The following LMX1B variants were observed in gnomAD, a reference collection of about 807,000 sequenced individuals.
LMX1B encodes LIM homeobox transcription factor 1 beta.
A neutral mutation model predicts 51.4 loss-of-function variants in LMX1B; 12 were observed. That is an observed-to-expected ratio of 0.23 (90% CI 0.15 to 0.38). The LOEUF (loss-of-function observed/expected upper bound fraction) is 0.38. Ranked by LOEUF, LMX1B falls within the 10% of genes least tolerant of loss-of-function variation. LMX1B has a pLI of 1.00. For synonymous variants in LMX1B, 237 were observed against 235.4 expected (o/e 1.01, Z -0.06); for missense variants, 445 against 571.1 (o/e 0.78, Z 2.25).
At position 126,618,681 on chromosome 9, in the gene LMX1B, C is replaced by T. The variant is rs1185537373; in HGVS notation, c.326+3112C>T. Among the ~76,000 whole-genome samples, 1 of 152,194 alleles carries T rather than the reference C, an allele frequency of 6.6e-6. No homozygotes were observed. Among genetic ancestry groups the T allele is most frequent in the African/African-American group, 2.4e-5 (1 of 41,436 alleles). On this transcript the variant is annotated intron_variant, in intron 2 of 7. Coordinates refer to ENST00000373474, the MANE Select transcript of LMX1B (RefSeq NM_001174147.2). The surrounding 1 kb of genome is among the most constrained non-coding windows in gnomAD (Gnocchi z 4.5). ...ACTTTCCCCCCTCCCATGTTTTTAT[C>T]TTGGCGGCTTGGCCGAATAGAATTA...
At position 126,688,402 on chromosome 9, in the gene LMX1B, C is replaced by T. The variant is rs370883702; in HGVS notation, c.327-2434C>T. Among the ~76,000 whole-genome samples, 66 of 152,306 alleles carry T rather than the reference C, an allele frequency of 4.3e-4. No homozygotes were observed. The East Asian group carries it at 8.9e-3, about 20-fold the overall frequency. On this transcript the variant is annotated intron_variant, in intron 2 of 7. Coordinates refer to ENST00000373474, the MANE Select transcript of LMX1B (RefSeq NM_001174147.2). ...TGACCCTGGCCTGGGACCCTGGGAC[C>T]GTGGCGCTCCCACGCTAGCAGCGAC...
At chr9:126,675,258 T>A (rs1277862798) in intron 2 of LMX1B, among the ~76,000 whole-genome samples, 1 of 152,178 alleles carries the variant, frequency 6.6e-6, no homozygotes, top group African/African-American at 2.4e-5. Flanking sequence ...TGTGTATGTG[T>A]GATACGTCTC....
intron 2 of LMX1B, among the ~76,000 whole-genome samples, chr9:126,650,084 C>A (rs758425192): frequency 1.3e-5 from 2 of 152,204 alleles, no homozygotes; most frequent in African/African-American, 4.8e-5. Context: ...CTCCTACATC[C>A]CCCAGCAGAG....
At chr9:126,688,822 T>C (rs914860086) in intron 2 of LMX1B, among the ~76,000 whole-genome samples, 5 of 152,178 alleles carry the variant, frequency 3.3e-5, no homozygotes, top group African/African-American at 1.2e-4. Context: ...CCCAGGCCTT[T>C]ACTCACCTAC....
chr9:126,645,689 G>A (rs930212897), intron 2 of LMX1B, among the ~76,000 whole-genome samples: 2 of 152,216 alleles, frequency 1.3e-5, no homozygotes, highest in Non-Finnish European at 2.9e-5. Flanking sequence ...CACACAAGGA[G>A]GGAGGTCAGG....
chr9:126,629,910 C>G (rs866232602), intron 2 of LMX1B, among the ~76,000 whole-genome samples: 6 of 151,772 alleles, frequency 4.0e-5, no homozygotes, highest in Admixed American at 6.6e-5. Context: ...CTTTGGGAGA[C>G]CAAGGCGGGT....
At chr9:126,631,246 A>C (rs1236072281) in intron 2 of LMX1B, among the ~76,000 whole-genome samples, 1 of 152,260 alleles carries the variant, frequency 6.6e-6, no homozygotes, top group Non-Finnish European at 1.5e-5. Context: ...CTGCAGAGAA[A>C]CATCTGCCTG....
intron 2 of LMX1B, among the ~76,000 whole-genome samples, chr9:126,639,025 G>C (rs1185933742): frequency 6.6e-6 from 1 of 151,676 alleles, no homozygotes; most frequent in Non-Finnish European, 1.5e-5. Flanking sequence ...GGAGAGAGAA[G>C]GGGGAGGAGA....
At chr9:126,680,497 A>G (rs1458917572) in intron 2 of LMX1B, among the ~76,000 whole-genome samples, 1 of 152,240 alleles carries the variant, frequency 6.6e-6, no homozygotes, top group Non-Finnish European at 1.5e-5. Context: ...AACAGTCAAT[A>G]CATCTTAGTA....
rs1177737410 is a variant in LMX1B, at chr9:126,698,709, TAATG to T, written c.*2263_*2266del. ...GGTCCAACCTTTGAGCAAGTAAGGA[TAATG>T]AATGTCCCTTTTCCACCTTTGGGGC... On this transcript the variant is annotated 3_prime_UTR_variant, in exon 8 of 8. Transcript: ENST00000373474. 1 of 152,482 alleles carries T rather than the reference TAATG, an allele frequency of 6.6e-6. No individual in the cohort carries two copies. The highest frequency in any genetic ancestry group is 2.4e-5 in the African/African-American group (1 of 41,458). The allele number at this position is 152,482 out of a possible 1,614,324, so 9.4% of individuals were successfully genotyped here.
chr9:126,663,638 T>C (rs1264225568), intron 2 of LMX1B, among the ~76,000 whole-genome samples: 1 of 152,250 alleles, frequency 6.6e-6, no homozygotes, highest in East Asian at 1.9e-4. Flanking sequence ...TGGCGCCTAA[T>C]GACTATGCAG....
intron 2 of LMX1B, among the ~76,000 whole-genome samples, chr9:126,676,118 T>C (rs1220758137): frequency 6.6e-6 from 1 of 151,604 alleles, no homozygotes; most frequent in East Asian, 1.9e-4. Context: ...GCTCCTGTAC[T>C]CCCCAGCTTC....
intron 3 of LMX1B, among the ~76,000 whole-genome samples, chr9:126,691,735 C>T (rs1312345482): frequency 2.0e-5 from 3 of 152,226 alleles, no homozygotes; most frequent in Non-Finnish European, 2.9e-5. Context: ...GATGTGCCTT[C>T]CCCTTCTCAG....
intron 2 of LMX1B, among the ~76,000 whole-genome samples, chr9:126,663,657 A>G (rs1315279402): frequency 6.6e-6 from 1 of 152,272 alleles, no homozygotes; most frequent in Non-Finnish European, 1.5e-5. Flanking sequence ...AGTAAACATT[A>G]ATGCCTGCCT....
At chr9:126,638,954 G>C (rs1210660098) in intron 2 of LMX1B, among the ~76,000 whole-genome samples, 1 of 152,154 alleles carries the variant, frequency 6.6e-6, no homozygotes, top group Non-Finnish European at 1.5e-5. Context: ...GACTGAGGGA[G>C]GGGCGGATAG....
intron 2 of LMX1B, among the ~76,000 whole-genome samples, chr9:126,653,568 G>A (rs959244884): frequency 2.0e-5 from 3 of 152,120 alleles, no homozygotes; most frequent in Non-Finnish European, 4.4e-5. Flanking sequence ...GCACAGCCGC[G>A]GGACAACATC....
At chr9:126,636,764 C>T (rs1410530499) in intron 2 of LMX1B, among the ~76,000 whole-genome samples, 1 of 152,162 alleles carries the variant, frequency 6.6e-6, no homozygotes, top group Non-Finnish European at 1.5e-5. Flanking sequence ...GGTCAGGGCT[C>T]ACCCAGCATC....
At chr9:126,631,347 A>T (rs1362450021) in intron 2 of LMX1B, among the ~76,000 whole-genome samples, 1 of 152,264 alleles carries the variant, frequency 6.6e-6, no homozygotes, top group Admixed American at 6.5e-5. Context: ...CACAGGGAGC[A>T]TCAGGGACTC....
intron 2 of LMX1B, among the ~76,000 whole-genome samples, chr9:126,682,742 A>T (rs1196340386): frequency 2.0e-5 from 3 of 151,992 alleles, no homozygotes; most frequent in Non-Finnish European, 2.9e-5. Flanking sequence ...TAAAAATACA[A>T]ATATTAGCCG....
Sources: allele counts gnomAD v4.1 joint callset (sites outside exome capture counted in the v4.1 genomes callset), GRCh38; gene constraint gnomAD v4.1.1; non-coding constraint Gnocchi (gnomAD v3.1); transcripts MANE v1.5; gene names NCBI Gene and HGNC (gene_info 2026-07-23, HGNC 2026-07-21).